THAP6: variants seen among roughly 807,000 people sequenced by gnomAD.
THAP6 encodes the protein THAP domain containing 6.
In THAP6, 13 loss-of-function variants were observed where a neutral mutation model predicts 20.0. That is an observed-to-expected ratio of 0.65 (90% CI 0.42 to 1.03). The LOEUF (loss-of-function observed/expected upper bound fraction) is 1.03. Among genes scored for constraint, THAP6 ranks in the 50% least tolerant of loss-of-function variants. The probability of loss-of-function intolerance (pLI) is 0.00; values close to 1 mark genes in which losing one functional copy is unlikely to be tolerated. For synonymous variants in THAP6, 93 were observed against 92.2 expected (o/e 1.01, Z -0.05); for missense variants, 262 against 261.6 (o/e 1.00, Z -0.01).
At chr4:75,545,870 C>G (rs547025526) in intron 3 of THAP6, among the ~76,000 whole-genome samples, 6 of 152,314 alleles carry the variant, frequency 3.9e-5, no homozygotes, top group Non-Finnish European at 7.3e-5. Context: ...ATAAAAGAAG[C>G]AGGTGAAGCT....
intron 3 of THAP6, among the ~76,000 whole-genome samples, chr4:75,546,442 A>G (rs962785099): frequency 1.3e-5 from 2 of 152,224 alleles, no homozygotes; most frequent in Admixed American, 6.5e-5. Flanking sequence ...TTCATTGTCC[A>G]TAAACACCCA....
chr4:75,531,546 A>G (rs1421705287), downstream of THAP6, among the ~76,000 whole-genome samples: 1 of 152,242 alleles, frequency 6.6e-6, no homozygotes, highest in Admixed American at 6.5e-5. Flanking sequence ...ACCTCAACAC[A>G]GATGACCTTC....
Position 75,516,963 on chromosome 4 carries a change from C to A in THAP6, c.272C>A (p.Ser91Tyr). Reference sequence around the variant, plus strand: ...GGAGTCATACCTTCTATCTTTGATTCTCCATATCACCTACAGGTTTGTTTA... The same window carrying A: ...GGAGTCATACCTTCTATCTTTGATTATCCATATCACCTACAGGTTTGTTTA... ...KPGVIPSIFD[S>Y]PYHLQGKREK... Residue 91 changes from serine (S) to tyrosine (Y), a missense_variant, in exon 3 of 5, where the codon TCT becomes TAT. By Grantham distance (144) the Ser-to-Tyr change is moderately radical (BLOSUM62 -2). Coordinates refer to ENST00000311638, the MANE Select transcript of THAP6 (RefSeq NM_144721.6). The A allele has an allele frequency of 6.2e-7, 1 of 1,609,146 alleles. No individual in the cohort carries two copies. Among genetic ancestry groups the A allele is most frequent in the Non-Finnish European group, 8.5e-7 (1 of 1,176,754 alleles).
intron 2 of THAP6, among the ~76,000 whole-genome samples, chr4:75,541,746 A>G (rs1284376590): frequency 6.6e-6 from 1 of 152,214 alleles, no homozygotes; most frequent in African/African-American, 2.4e-5. Flanking sequence ...ACTTGAGGTC[A>G]GGAGTTCAAG....
At chr4:75,542,314 T>G in intron 2 of THAP6, 1 of 632,288 alleles carries the variant, frequency 1.6e-6, no homozygotes, top group Admixed American at 2.5e-5. Flanking sequence ...AGAACGTGAC[T>G]TCAGAGTACT....
downstream of THAP6, among the ~76,000 whole-genome samples, chr4:75,530,409 C>T (rs1351287477): frequency 1.3e-5 from 2 of 152,112 alleles, no homozygotes; most frequent in Non-Finnish European, 2.9e-5. Context: ...CTTAGCATGC[C>T]GCAGATCACT....
chr4:75,545,971 A>G (rs912421838), intron 3 of THAP6, among the ~76,000 whole-genome samples: 1 of 152,230 alleles, frequency 6.6e-6, no homozygotes, highest in African/African-American at 2.4e-5. Context: ...GGACAGCTAG[A>G]AAGCCTAGCC....
At chr4:75,541,871 G>A (rs72647457) in intron 2 of THAP6, among the ~76,000 whole-genome samples, 27,974 of 151,526 alleles carry the variant, frequency 0.18, 2,724 homozygotes, top group Middle Eastern at 0.36. Flanking sequence ...CAGGAGAATC[G>A]CTTGAGCGCA....
chr4:75,517,020 T>A, intron 3 of THAP6, 41 bp downstream of exon 3: 1 of 1,323,138 alleles, frequency 7.6e-7, no homozygotes, highest in Non-Finnish European at 1.0e-6. Flanking sequence ...TGCTCACTTT[T>A]TTTTTTTTTT....
At chr4:75,537,898 G>A (rs893349815) in intron 2 of THAP6, among the ~76,000 whole-genome samples, 1 of 152,218 alleles carries the variant, frequency 6.6e-6, no homozygotes, top group Non-Finnish European at 1.5e-5. Context: ...AGAGCATCCA[G>A]AGGGAATGCA....
intron 2 of THAP6, chr4:75,539,784 G>C (rs1290611940): frequency 2.0e-6 from 3 of 1,524,298 alleles, no homozygotes; most frequent in Non-Finnish European, 2.6e-6. Flanking sequence ...ATTTCATTGC[G>C]TATAAAACGT....
At chr4:75,546,651 G>A (rs1340879800) in intron 3 of THAP6, among the ~76,000 whole-genome samples, 5 of 152,152 alleles carry the variant, frequency 3.3e-5, no homozygotes, top group African/African-American at 1.2e-4. Context: ...AGTTACGGAG[G>A]CTGGCAAGTC....
intron 2 of THAP6, among the ~76,000 whole-genome samples, chr4:75,535,675 G>GT (rs1726829743): frequency 6.6e-6 from 1 of 152,240 alleles, no homozygotes; most frequent in South Asian, 2.1e-4. Flanking sequence ...ATTTACTATG[G>GT]TATTAACCAT....
At chr4:75,537,683 T>C (rs550618550) in intron 2 of THAP6, among the ~76,000 whole-genome samples, 3 of 152,322 alleles carry the variant, frequency 2.0e-5, no homozygotes, top group Non-Finnish European at 2.9e-5. Context: ...AAAGAGAGCT[T>C]GCAGATTTGA....
exon 3 of THAP6, chr4:75,542,465 C>T (rs1194368429): frequency 2.8e-6 from 2 of 702,246 alleles, no homozygotes; most frequent in African/African-American, 3.5e-5. Context: ...TCTCAGTAAC[C>T]ATCATAGCTA....
In THAP6 at chr4:75,521,723, C is replaced by G. The variant is rs1459032473; in HGVS notation, c.289-13C>G. ...TATCTCACTTGATGATTATTATTAA[C>G]TACTCTTAACAGGGGAAAAGAGAAA... On this transcript the variant is annotated splice_polypyrimidine_tract_variant and intron_variant, in intron 3 of 4. Coordinates refer to ENST00000311638, the MANE Select transcript of THAP6 (RefSeq NM_144721.6). 3.3e-6 allele frequency: 5 copies of G among 1,518,892 alleles called. No individual in the cohort carries two copies. Among genetic ancestry groups the G allele is most frequent in the Non-Finnish European group, 4.5e-6 (5 of 1,117,104 alleles). The allele number at this position is 1,518,892 out of a possible 1,614,324, so 94.1% of individuals were successfully genotyped here.
intron 4 of THAP6, among the ~76,000 whole-genome samples, chr4:75,523,528 G>C (rs1052632561): frequency 1.3e-5 from 2 of 152,252 alleles, no homozygotes; most frequent in African/African-American, 4.8e-5. Flanking sequence ...TTTAGGCCGG[G>C]TGTGATGGCT....
chr4:75,536,594 G>A (rs1043746510), intron 2 of THAP6, among the ~76,000 whole-genome samples: 19 of 152,120 alleles, frequency 1.2e-4, no homozygotes, highest in East Asian at 7.7e-4. Flanking sequence ...GCATGATCAC[G>A]TCTCACTGCA....
chr4:75,546,656 C>T (rs972782824), intron 3 of THAP6, among the ~76,000 whole-genome samples: 1 of 152,136 alleles, frequency 6.6e-6, no homozygotes, highest in Admixed American at 6.6e-5. Flanking sequence ...CGGAGGCTGG[C>T]AAGTCCAAAA....
Sources: allele counts gnomAD v4.1 joint callset (sites outside exome capture counted in the v4.1 genomes callset), GRCh38; gene constraint gnomAD v4.1.1; transcripts MANE v1.5; gene names NCBI Gene and HGNC (gene_info 2026-07-23, HGNC 2026-07-21).